Variants in SLC2A13 observed in about 807,000 individuals in gnomAD.
The protein encoded by SLC2A13 is solute carrier family 2 member 13.
SLC2A13 carries 32 observed loss-of-function variants against 64.4 expected under a neutral mutation model. That is an observed-to-expected ratio of 0.50 (90% CI 0.37 to 0.67). The LOEUF is 0.67. SLC2A13 is among the 30% of genes least tolerant of loss of function. The pLI is 0.00. For synonymous variants in SLC2A13, 338 were observed against 327.1 expected (o/e 1.03, Z -0.36); for missense variants, 743 against 829.2 (o/e 0.90, Z 1.28).
At chr12:39,997,045 C>T (rs1353849338) in intron 3 of SLC2A13, among the ~76,000 whole-genome samples, 1 of 152,078 alleles carries the variant, frequency 6.6e-6, no homozygotes, top group Non-Finnish European at 1.5e-5. Flanking sequence ...TTCTAAAATT[C>T]ATATGGAACC....
At chr12:40,027,688 T>C (rs1342011883) in intron 3 of SLC2A13, among the ~76,000 whole-genome samples, 1 of 152,166 alleles carries the variant, frequency 6.6e-6, no homozygotes. Flanking sequence ...CAAGAGAAAA[T>C]AAGACCAATT....
intron 3 of SLC2A13, among the ~76,000 whole-genome samples, chr12:39,961,971 T>G (rs558959022): frequency 6.6e-6 from 1 of 152,178 alleles, no homozygotes; most frequent in Non-Finnish European, 1.5e-5. Flanking sequence ...AAATATCACA[T>G]ATACCCCATA....
chr12:40,061,488 A>G (rs1182963292), intron 1 of SLC2A13, among the ~76,000 whole-genome samples: 1 of 152,182 alleles, frequency 6.6e-6, no homozygotes, highest in African/African-American at 2.4e-5. Flanking sequence ...GGAAAGAAAC[A>G]CAATCAAAAA....
intron 7 of SLC2A13, among the ~76,000 whole-genome samples, chr12:39,797,650 A>C (rs1941620229): frequency 6.6e-6 from 1 of 151,990 alleles, no homozygotes; most frequent in South Asian, 2.1e-4. Context: ...AGATAATGTC[A>C]TCATATTCCA....
intron 1 of SLC2A13, among the ~76,000 whole-genome samples, chr12:40,100,929 T>G (rs75700040): frequency 0.026 from 3,268 of 126,172 alleles, 131 homozygotes; most frequent in African/African-American, 0.094. Flanking sequence ...CTCGCCACCG[T>G]GCTCCAGCCT....
chr12:40,101,788 C>A (rs1049898527), intron 1 of SLC2A13, among the ~76,000 whole-genome samples: 4 of 151,952 alleles, frequency 2.6e-5, no homozygotes, highest in East Asian at 1.9e-4. Context: ...ACCTTAAATG[C>A]CCAGTAGGGT....
At chr12:40,096,973 G>A (rs1049531163) in intron 1 of SLC2A13, among the ~76,000 whole-genome samples, 6 of 152,202 alleles carry the variant, frequency 3.9e-5, no homozygotes, top group South Asian at 4.1e-4. Flanking sequence ...AAGGTGGGGT[G>A]CACACTGGTT....
At chr12:40,094,931 A>T (rs762205350) in intron 1 of SLC2A13, among the ~76,000 whole-genome samples, 6 of 152,230 alleles carry the variant, frequency 3.9e-5, no homozygotes, top group Admixed American at 2.0e-4. Context: ...AAGAAGACGC[A>T]TCTGTGCAAG....
intron 1 of SLC2A13, among the ~76,000 whole-genome samples, chr12:40,081,714 C>T (rs1319423421): frequency 6.6e-6 from 1 of 152,158 alleles, no homozygotes; most frequent in African/African-American, 2.4e-5. Context: ...TCCTTGCTGT[C>T]GAGCTCATGT....
intron 1 of SLC2A13, among the ~76,000 whole-genome samples, chr12:40,049,979 GAC>G (rs1948229936): frequency 6.6e-6 from 1 of 152,080 alleles, no homozygotes; most frequent in South Asian, 2.1e-4. Flanking sequence ...TGTGCTAATA[GAC>G]ACAGTATTAA....
chr12:40,044,370 G>A (rs1025785351), intron 2 of SLC2A13, among the ~76,000 whole-genome samples: 1 of 152,082 alleles, frequency 6.6e-6, no homozygotes, highest in Non-Finnish European at 1.5e-5. Flanking sequence ...TTAGGGTGAC[G>A]AAAATGTTCT....
intron 1 of SLC2A13, among the ~76,000 whole-genome samples, chr12:40,059,583 A>C (rs1948385001): frequency 6.6e-6 from 1 of 152,182 alleles, no homozygotes; most frequent in Non-Finnish European, 1.5e-5. Context: ...GAAGAAATAC[A>C]TAGGACAATG....
rs1288976026 is a variant in SLC2A13, at chr12:39,914,590, G to A, written c.1034+36667C>T. ...AAGTTATAATCAAACCCATATATTA[G>A]GTTGGTGCAAAGGTAACTGTGGTTT... On this transcript the variant is annotated intron_variant, in intron 4 of 9. Transcript: ENST00000280871. Among the ~76,000 whole-genome samples, 7 of 151,856 alleles carry A rather than the reference G, an allele frequency of 4.6e-5. No homozygotes were observed. The East Asian group carries it at 1.4e-3, about 29-fold the overall frequency.
chr12:39,804,250 T>C (rs1472582612), intron 7 of SLC2A13, among the ~76,000 whole-genome samples: 1 of 151,976 alleles, frequency 6.6e-6, no homozygotes, highest in Non-Finnish European at 1.5e-5. Context: ...GTAGTAAAAA[T>C]ACAACAAATT....
At chr12:39,873,916 A>C (rs993949301) in intron 4 of SLC2A13, among the ~76,000 whole-genome samples, 2 of 152,220 alleles carry the variant, frequency 1.3e-5, no homozygotes, top group Admixed American at 1.3e-4. Flanking sequence ...AGGTAACATA[A>C]TCACTTGTAC....
At chr12:39,811,753 A>G (rs1942169711) in intron 7 of SLC2A13, among the ~76,000 whole-genome samples, 1 of 152,108 alleles carries the variant, frequency 6.6e-6, no homozygotes, top group African/African-American at 2.4e-5. Context: ...CTTAATCTGG[A>G]GTCTTTGTCA....
intron 2 of SLC2A13, among the ~76,000 whole-genome samples, chr12:40,041,668 CTGAAT>C (rs776836923): frequency 6.6e-6 from 1 of 152,180 alleles, no homozygotes; most frequent in African/African-American, 2.4e-5. Flanking sequence ...GAATGAATGA[CTGAAT>C]TATTTCCACA....
At chr12:39,805,131 C>A (rs10877474) in intron 7 of SLC2A13, among the ~76,000 whole-genome samples, 118,186 of 146,490 alleles carry the variant, frequency 0.81, 46,170 homozygotes, top group Non-Finnish European at 0.84. Context: ...AGGAAGACAG[C>A]AAGGGCAGGC....
chr12:39,976,848 C>T (rs1322317357), intron 3 of SLC2A13, among the ~76,000 whole-genome samples: 1 of 152,164 alleles, frequency 6.6e-6, no homozygotes, highest in East Asian at 1.9e-4. Context: ...CTTAACATCT[C>T]TTGGCACTTT....
Sources: gnomAD v4.1 joint callset for allele counts (sites outside exome capture counted in the v4.1 genomes callset) on GRCh38, gnomAD v4.1.1 for gene constraint, MANE v1.5 for transcripts, NCBI Gene and HGNC (gene_info 2026-07-23, HGNC 2026-07-21) for gene names.